PRKACA: variants seen among roughly 807,000 people sequenced by gnomAD.
PRKACA encodes the protein cAMP-dependent protein kinase catalytic subunit alpha.
Under a neutral mutation model 45.8 loss-of-function variants are expected in PRKACA, and 9 were observed. The ratio of observed to expected loss-of-function variants is 0.20; its 90% CI spans 0.12 to 0.34. PRKACA has a LOEUF of 0.34. Ranked by LOEUF, PRKACA falls within the 10% of genes least tolerant of loss-of-function variation. The pLI is 1.00. For synonymous variants in PRKACA, 160 were observed against 178.6 expected (o/e 0.90, Z 0.83); for missense variants, 238 against 458.6 (o/e 0.52, Z 4.39).
At chr19:14,103,240 G>C (rs1212417890) in intron 3 of PRKACA, among the ~76,000 whole-genome samples, 1 of 152,172 alleles carries the variant, frequency 6.6e-6, no homozygotes, top group African/African-American at 2.4e-5. Context: ...GCGTGGTCTG[G>C]GGAAGGGGGA....
intron 9 of PRKACA, 25 bp downstream of exon 9, chr19:14,093,603 G>A: frequency 1.2e-6 from 2 of 1,604,466 alleles, no homozygotes; most frequent in East Asian, 4.5e-5. Context: ...CAAACCCTCA[G>A]CAGGCTTAAG....
chr19:14,115,747 T>C (rs1258156479), intron 1 of PRKACA, among the ~76,000 whole-genome samples: 2 of 152,166 alleles, frequency 1.3e-5, no homozygotes, highest in African/African-American at 4.8e-5. Flanking sequence ...CACATGTGTC[T>C]GATAGCCTTG....
intron 8 of PRKACA, among the ~76,000 whole-genome samples, chr19:14,095,605 G>A (rs1304572276): frequency 6.6e-6 from 1 of 151,882 alleles, no homozygotes; most frequent in Non-Finnish European, 1.5e-5. Context: ...TACAACCTCT[G>A]TCTCCCGGGT....
intron 8 of PRKACA, chr19:14,096,865 T>A: frequency 7.9e-6 from 2 of 252,548 alleles, no homozygotes; most frequent in Non-Finnish European, 1.6e-5. Context: ...CTGTCATAGA[T>A]GTGAGCTGAG....
chr19:14,103,269 G>T (rs1977499901), intron 3 of PRKACA, among the ~76,000 whole-genome samples: 3 of 152,146 alleles, frequency 2.0e-5, no homozygotes, highest in Admixed American at 2.0e-4. Context: ...GCGCTTTCTG[G>T]AGGAAGGGGC....
At position 14,107,422 on chromosome 19, in the gene PRKACA, GA is replaced by G. The variant is rs1568535843; in HGVS notation, c.47-14del. 1.3e-5 allele frequency: 21 copies of G among 1,613,084 alleles called. No individual in the cohort carries two copies. Among genetic ancestry groups the G allele is most frequent in the Admixed American group, 6.7e-5 (4 of 60,010 alleles). On this transcript the variant is annotated splice_polypyrimidine_tract_variant and intron_variant, in intron 1 of 9. Coordinates refer to ENST00000308677, the MANE Select transcript of PRKACA (RefSeq NM_002730.4). ...AAGAATTCTTTCACTGAAAGGGAGAGAGGGGAGAGTTATACAGAGACGCCCG... is the reference window on the plus strand; with the variant it reads ...AAGAATTCTTTCACTGAAAGGGAGAGGGGGAGAGTTATACAGAGACGCCCG...
In PRKACA at chr19:14,092,689, T is replaced by C; in HGVS notation, c.*423A>G. The stretch of plus-strand genomic sequence containing the variant: ...GCTTCGTTCATTTGCCCTTAGCAAG[T>C]GGGGCCTGTGGTTGGGTGGGATGGG... On this transcript the variant is annotated 3_prime_UTR_variant, in exon 10 of 10. Transcript: ENST00000308677. 4.7e-6 allele frequency: 1 copy of C among 213,182 alleles called. No individual in the cohort carries two copies. 13.2% of individuals were successfully genotyped at this position (213,182 alleles called of 1,614,324 possible).
intron 1 of PRKACA, among the ~76,000 whole-genome samples, chr19:14,116,113 G>T (rs1967101120): frequency 6.6e-6 from 1 of 152,206 alleles, no homozygotes; most frequent in African/African-American, 2.4e-5. Context: ...AGGAAACTCA[G>T]ATGCTGGGGT....
chr19:14,114,164 C>G (rs200209462), intron 1 of PRKACA: 1 of 1,611,206 alleles, frequency 6.2e-7, no homozygotes, highest in East Asian at 2.2e-5. Context: ...ATCACTCAGT[C>G]CTGTTCTCAG....
At chr19:14,107,236 G>C in intron 2 of PRKACA, 112 bp downstream of exon 2, 1 of 1,174,744 alleles carries the variant, frequency 8.5e-7, no homozygotes, top group Non-Finnish European at 1.2e-6. Flanking sequence ...AATGGGGAGG[G>C]TCTGAAGCCT....
At chr19:14,096,537 G>T (rs929784830) in intron 8 of PRKACA, 2 of 152,874 alleles carry the variant, frequency 1.3e-5, no homozygotes, top group African/African-American at 4.8e-5. Context: ...GAGCCTGAGG[G>T]TGCTCCCACC....
At position 14,093,801 on chromosome 19, in the gene PRKACA, A is replaced by C. The variant is rs1308928445; in HGVS notation, c.766-9T>G. 6.2e-7 allele frequency: 1 copy of C among 1,608,940 alleles called. No individual in the cohort carries two copies. Among genetic ancestry groups the C allele is most frequent in the Non-Finnish European group, 8.5e-7 (1 of 1,177,624 alleles). On this transcript the variant is annotated splice_polypyrimidine_tract_variant and intron_variant, in intron 8 of 9. Transcript: ENST00000308677. Reference sequence around the variant, plus strand: ...TGGGAAGGGAAGCGCACCTGGAGGAAGGGGTACAAGGACAGGGTGGGAAGC... The same window carrying C: ...TGGGAAGGGAAGCGCACCTGGAGGACGGGGTACAAGGACAGGGTGGGAAGC...
intron 1 of PRKACA, among the ~76,000 whole-genome samples, chr19:14,110,508 C>G (rs35622690): frequency 0.19 from 28,733 of 151,548 alleles, 3,383 homozygotes; most frequent in African/African-American, 0.34. Flanking sequence ...GGACATAGAG[C>G]CTGCAGTGAG....
intron 4 of PRKACA, 143 bp downstream of exon 4, chr19:14,102,673 C>T: frequency 1.4e-6 from 1 of 719,760 alleles, no homozygotes; most frequent in Non-Finnish European, 2.4e-6. Flanking sequence ...GACTCCTGTC[C>T]CCTGATCTCC....
Position 14,102,757 on chromosome 19 carries a change from G to A in PRKACA, c.336+59C>T, listed in dbSNP as rs182466782. The A allele has an allele frequency of 1.0e-5, 15 of 1,447,650 alleles. No individual in the cohort carries two copies. The African/African-American group carries it at 1.7e-4, about 16-fold the overall frequency. The allele number at this position is 1,447,650 out of a possible 1,614,324, so 89.7% of individuals were successfully genotyped here. A position where few individuals can be genotyped will look rare whatever the true frequency, so the allele number is the denominator to read the frequency against. ...TCCTCAGCTCCGACCCCAGCCCTGG[G>A]GGCCAGAAGGCTGGGACCCAATGCA... On this transcript the variant is annotated intron_variant, in intron 4 of 9. Coordinates refer to ENST00000308677, the MANE Select transcript of PRKACA (RefSeq NM_002730.4).
In PRKACA at chr19:14,092,732, G is replaced by C; in HGVS notation, c.*380C>G. On this transcript the variant is annotated 3_prime_UTR_variant, in exon 10 of 10. Transcript: ENST00000308677. ...GGGATGGGGGTGTGGGTGGGGGCTG[G>C]AGTTAAGCGTGAGCCCCTCTTTCCA... 2 of 406,640 alleles carry C rather than the reference G, an allele frequency of 4.9e-6. No individual in the cohort carries two copies. Among genetic ancestry groups the C allele is most frequent in the Non-Finnish European group, 8.7e-6 (2 of 229,748 alleles). The allele number at this position is 406,640 out of a possible 1,614,324, so 25.2% of individuals were successfully genotyped here.
At chr19:14,112,603 A>G (rs1163119374) in intron 1 of PRKACA, 1 of 152,224 alleles carries the variant, frequency 6.6e-6, no homozygotes, top group African/African-American at 2.4e-5. Context: ...GTTGCCACAG[A>G]AGCTTTTAAA....
intron 1 of PRKACA, among the ~76,000 whole-genome samples, chr19:14,111,596 C>A (rs1478126301): frequency 6.6e-6 from 1 of 152,162 alleles, no homozygotes; most frequent in Admixed American, 6.5e-5. Context: ...ACTAGCAGAA[C>A]CTTTGTTTGA....
chr19:14,103,415 CCCT>C (rs1977502980), intron 3 of PRKACA, among the ~76,000 whole-genome samples: 2 of 152,262 alleles, frequency 1.3e-5, no homozygotes, highest in South Asian at 4.1e-4. Context: ...ATCAGCTGTC[CCCT>C]AATAGCAGAT....
Sources: gnomAD v4.1 joint callset for allele counts (sites outside exome capture counted in the v4.1 genomes callset) on GRCh38, gnomAD v4.1.1 for gene constraint, MANE v1.5 for transcripts, NCBI Gene and HGNC (gene_info 2026-07-23, HGNC 2026-07-21) for gene names.